TENM4: variants seen among roughly 807,000 people sequenced by gnomAD.
The protein encoded by TENM4 is teneurin-4.
TENM4 carries 82 observed loss-of-function variants against 243.3 expected under a neutral mutation model. That is an observed-to-expected ratio of 0.34 (90% CI 0.28 to 0.40). The LOEUF (loss-of-function observed/expected upper bound fraction) is 0.40. TENM4 is among the 10% of genes least tolerant of loss of function. The probability of loss-of-function intolerance (pLI) is 1.00; values close to 1 mark genes in which losing one functional copy is unlikely to be tolerated. For synonymous variants in TENM4, 1,412 were observed against 1,456.3 expected, an observed-to-expected ratio of 0.97 and a Z score of 0.69; for missense variants, 3,138 against 3,673.3, an observed-to-expected ratio of 0.85 and a Z score of 3.77.
intron 1 of TENM4, among the ~76,000 whole-genome samples, chr11:79,320,532 T>C (rs139745164): frequency 6.6e-6 from 1 of 152,326 alleles, no homozygotes; most frequent in East Asian, 1.9e-4. Context: ...TTCCACTTCT[T>C]GGATGTGGTA....
chr11:79,125,062 T>A (rs746964912), intron 4 of TENM4, among the ~76,000 whole-genome samples: 64 of 151,736 alleles, frequency 4.2e-4, no homozygotes, highest in Non-Finnish European at 7.2e-4. Flanking sequence ...ATTGGTTGCT[T>A]AATATGATTA....
At chr11:78,686,252 G>A (rs191815558) in intron 29 of TENM4, among the ~76,000 whole-genome samples, 8 of 152,300 alleles carry the variant, frequency 5.3e-5, no homozygotes, top group Admixed American at 3.3e-4. Context: ...GACAGAGTTT[G>A]GGGAGCTGAA....
intron 12 of TENM4, among the ~76,000 whole-genome samples, chr11:78,824,219 T>C (rs772099680): frequency 2.6e-5 from 4 of 152,212 alleles, no homozygotes; most frequent in Non-Finnish European, 5.9e-5. Flanking sequence ...AAACGGCTCA[T>C]GGTTCTGCAG....
intron 12 of TENM4, among the ~76,000 whole-genome samples, chr11:78,847,104 C>A (rs928337017): frequency 1.3e-5 from 2 of 152,262 alleles, no homozygotes; most frequent in East Asian, 3.9e-4. Flanking sequence ...CATTTTATGA[C>A]CATGAGGTAG....
intron 3 of TENM4, among the ~76,000 whole-genome samples, chr11:79,210,002 T>C (rs1460473511): frequency 6.6e-6 from 1 of 152,220 alleles, no homozygotes; most frequent in Non-Finnish European, 1.5e-5. Flanking sequence ...TACCAAGCCA[T>C]AGTAAGAGTT....
chr11:79,235,753 T>A (rs1334616779), intron 2 of TENM4, among the ~76,000 whole-genome samples: 1 of 152,134 alleles, frequency 6.6e-6, no homozygotes, highest in Non-Finnish European at 1.5e-5. Context: ...TGATCACTGG[T>A]CTGTGGCTCT....
intron 12 of TENM4, among the ~76,000 whole-genome samples, chr11:78,838,847 C>T (rs1229380218): frequency 4.6e-5 from 7 of 152,190 alleles, no homozygotes; most frequent in African/African-American, 1.7e-4. Context: ...CAGGCTAAAA[C>T]TCCTTCTCTG....
At chr11:79,062,729 C>T (rs1487076827) in intron 6 of TENM4, among the ~76,000 whole-genome samples, 1 of 152,100 alleles carries the variant, frequency 6.6e-6, no homozygotes, top group Non-Finnish European at 1.5e-5. Context: ...TGCAATTTAC[C>T]CCATGCCACA....
intron 2 of TENM4, among the ~76,000 whole-genome samples, chr11:79,292,352 A>G (rs1856371149): frequency 6.6e-6 from 1 of 151,918 alleles, no homozygotes; most frequent in South Asian, 2.1e-4. Context: ...ACATTTCCCC[A>G]CTGTTTTCCA....
chr11:78,998,093 T>G (rs1294035279), intron 6 of TENM4, among the ~76,000 whole-genome samples: 1 of 152,242 alleles, frequency 6.6e-6, no homozygotes, highest in Non-Finnish European at 1.5e-5. Context: ...GAGACATAAC[T>G]GTCTGTTGTT....
chr11:79,262,024 C>T (rs991607189), intron 2 of TENM4, among the ~76,000 whole-genome samples: 1 of 152,140 alleles, frequency 6.6e-6, no homozygotes, highest in Non-Finnish European at 1.5e-5. Flanking sequence ...GGATAGATTA[C>T]TTTTCTTGAG....
intron 7 of TENM4, among the ~76,000 whole-genome samples, chr11:78,900,795 G>A (rs149871336): frequency 6.6e-6 from 1 of 152,280 alleles, no homozygotes; most frequent in African/African-American, 2.4e-5. Context: ...CCTTGCCAAG[G>A]TGGTCAGCTT....
intron 12 of TENM4, among the ~76,000 whole-genome samples, chr11:78,837,915 T>C (rs972332190): frequency 9.2e-5 from 14 of 152,316 alleles, no homozygotes; most frequent in African/African-American, 2.9e-4. Flanking sequence ...CTGTGATAAG[T>C]GTGCAGCTTT....
At chr11:79,241,646 T>C (rs1352395937) in intron 2 of TENM4, among the ~76,000 whole-genome samples, 1 of 152,214 alleles carries the variant, frequency 6.6e-6, no homozygotes, top group Non-Finnish European at 1.5e-5. Flanking sequence ...CCACTCATTG[T>C]AGCCTGTCAC....
intron 9 of TENM4, among the ~76,000 whole-genome samples, chr11:78,884,714 T>G (rs911157671): frequency 1.3e-5 from 2 of 152,154 alleles, no homozygotes; most frequent in African/African-American, 2.4e-5. Context: ...AAAAGCCAAA[T>G]ATTAAGATGG....
chr11:78,664,076 A>G (rs986697605), intron 32 of TENM4, among the ~76,000 whole-genome samples: 32 of 152,278 alleles, frequency 2.1e-4, no homozygotes, highest in African/African-American at 7.0e-4. Context: ...TGGCTCCCCA[A>G]CTTACAAACT....
chr11:79,374,220 G>A (rs545101998), intron 1 of TENM4, among the ~76,000 whole-genome samples: 19 of 151,908 alleles, frequency 1.3e-4, no homozygotes, highest in African/African-American at 3.9e-4. Flanking sequence ...CCTCCAAATC[G>A]CCTCCAACAC....
intron 6 of TENM4, among the ~76,000 whole-genome samples, chr11:78,958,119 T>C (rs1857244804): frequency 6.6e-6 from 1 of 152,146 alleles, no homozygotes; most frequent in South Asian, 2.1e-4. Context: ...GGACATAAAT[T>C]GAGACACAAA....
At chr11:79,346,421 G>A (rs1411555337) in intron 1 of TENM4, among the ~76,000 whole-genome samples, 7 of 152,058 alleles carry the variant, frequency 4.6e-5, no homozygotes, top group Non-Finnish European at 1.0e-4. Context: ...CACACCGTAG[G>A]CACTCATTTT....
Sources: gnomAD v4.1 joint callset for allele counts (sites outside exome capture counted in the v4.1 genomes callset) on GRCh38, gnomAD v4.1.1 for gene constraint, MANE v1.5 for transcripts, NCBI Gene and HGNC (gene_info 2026-07-23, HGNC 2026-07-21) for gene names.